The following CLIP4 variants were observed in gnomAD, a reference collection of about 807,000 sequenced individuals.
CLIP4 encodes the protein CAP-Gly domain containing linker protein family member 4, also known as CAP-Gly domain-containing linker protein 4.
CLIP4 carries 47 observed loss-of-function variants against 73.1 expected under a neutral mutation model. The observed-to-expected ratio is 0.64, with a 90% confidence interval of 0.51 to 0.82. The LOEUF (loss-of-function observed/expected upper bound fraction) is 0.82, where lower values mean the gene tolerates loss of function less well. Ranked by LOEUF, CLIP4 falls within the 40% of genes least tolerant of loss-of-function variation. The pLI is 0.00. For synonymous variants in CLIP4, 306 were observed against 295.4 expected, an observed-to-expected ratio of 1.04 and a Z score of -0.37; for missense variants, 874 against 852.9, an observed-to-expected ratio of 1.02 and a Z score of -0.31.
At chr2:29,103,611 G>T (rs998029562) in intron 1 of CLIP4, among the ~76,000 whole-genome samples, 1 of 151,876 alleles carries the variant, frequency 6.6e-6, no homozygotes, top group African/African-American at 2.4e-5. Context: ...TTTATTTAAG[G>T]TTCCAAAGCT....
chr2:29,107,303 T>C (rs909224379), intron 1 of CLIP4, among the ~76,000 whole-genome samples: 5 of 151,014 alleles, frequency 3.3e-5, no homozygotes, highest in Non-Finnish European at 7.4e-5. Context: ...TGTGTGTGTG[T>C]GTGCATGTGA....
intron 8 of CLIP4, among the ~76,000 whole-genome samples, 199 bp from the exon 9 acceptor site, chr2:29,152,486 G>T (rs566271957): frequency 5.3e-5 from 8 of 152,054 alleles, no homozygotes; most frequent in African/African-American, 1.9e-4. Flanking sequence ...CATTATTGAC[G>T]TGTTGTTAGT....
chr2:29,122,037 G>T (rs1368860389), intron 2 of CLIP4, among the ~76,000 whole-genome samples: 2 of 152,148 alleles, frequency 1.3e-5, no homozygotes, highest in East Asian at 1.9e-4. Flanking sequence ...GGAACCAGGA[G>T]ATAAATTTGA....
intron 15 of CLIP4, 126 bp downstream of exon 15, chr2:29,174,571 G>A (rs1258706327): frequency 4.7e-5 from 67 of 1,427,150 alleles, no homozygotes; most frequent in Non-Finnish European, 5.8e-5. Flanking sequence ...TAGGAGAAAA[G>A]GTGTGATAAG....
At chr2:29,121,751 TC>T (rs1262247221) in intron 2 of CLIP4, among the ~76,000 whole-genome samples, 6 of 152,226 alleles carry the variant, frequency 3.9e-5, no homozygotes, top group Non-Finnish European at 5.9e-5. Flanking sequence ...ATTTTAAGCA[TC>T]ATGATGGATT....
At chr2:29,179,113 C>T (rs917794150) in intron 15 of CLIP4, among the ~76,000 whole-genome samples, 1 of 152,170 alleles carries the variant, frequency 6.6e-6, no homozygotes, top group Admixed American at 6.5e-5. Flanking sequence ...TCAGTTTATG[C>T]ATTAAAGGTC....
intron 2 of CLIP4, among the ~76,000 whole-genome samples, chr2:29,128,187 GTTTT>G (rs70958244): frequency 7.2e-6 from 1 of 138,440 alleles, no homozygotes; most frequent in Admixed American, 7.3e-5. Context: ...TAATGTCTGT[GTTTT>G]TTTTTTTTTT....
intron 1 of CLIP4, among the ~76,000 whole-genome samples, chr2:29,117,279 G>C (rs1346457590): frequency 1.3e-5 from 2 of 152,138 alleles, no homozygotes; most frequent in Non-Finnish European, 2.9e-5. Flanking sequence ...GGCTAGAGCA[G>C]TGGAAGCACT....
chr2:29,133,130 G>A (rs1157675935), intron 4 of CLIP4, among the ~76,000 whole-genome samples: 1 of 152,166 alleles, frequency 6.6e-6, no homozygotes, highest in African/African-American at 2.4e-5. Context: ...GAGGGTTGGC[G>A]TGAGCTGTGA....
At chr2:29,174,738 G>C in intron 15 of CLIP4, 3 of 976,484 alleles carry the variant, frequency 3.1e-6, no homozygotes, top group Non-Finnish European at 3.7e-6. Flanking sequence ...ATTAAGTAGG[G>C]TGGATTGCTT....
chr2:29,179,925 G>A (rs1437167079), intron 15 of CLIP4, among the ~76,000 whole-genome samples: 1 of 152,122 alleles, frequency 6.6e-6, no homozygotes, highest in East Asian at 1.9e-4. Flanking sequence ...ATGTGGCTTA[G>A]AATAAATCTC....
chr2:29,166,530 GACAC>G (rs55833657), intron 13 of CLIP4, among the ~76,000 whole-genome samples: 5,155 of 146,960 alleles, frequency 0.035, 168 homozygotes, highest in African/African-American at 0.094. Flanking sequence ...TACACACACA[GACAC>G]ACACACACAC....
chr2:29,126,680 G>C (rs1260012964), intron 2 of CLIP4, among the ~76,000 whole-genome samples: 3 of 152,146 alleles, frequency 2.0e-5, no homozygotes, highest in Admixed American at 1.3e-4. Flanking sequence ...GACTTTCCTG[G>C]TTTGCAGTTT....
chr2:29,152,812 G>T lies in CLIP4; in HGVS notation c.1149G>T (p.Thr383=), dbSNP rs770581146. 1 of 1,613,228 alleles carries T rather than the reference G, an allele frequency of 6.2e-7. No homozygotes were observed. The highest frequency in any genetic ancestry group is 1.7e-5 in the Admixed American group (1 of 59,896). ...RSQKIDVAHV[T]SKVNTGLMTS... ...AGAAAATTGACGTAGCTCATGTGAC[G>T]TCAAAAGTAAATACTGGTAGGTCAA... Residue 383 remains threonine (T), a synonymous_variant, in exon 9 of 16, where the codon ACG becomes ACT. Transcript: ENST00000320081.
chr2:29,178,823 C>T (rs1051195972), intron 15 of CLIP4, among the ~76,000 whole-genome samples: 2 of 152,154 alleles, frequency 1.3e-5, no homozygotes, highest in Non-Finnish European at 2.9e-5. Context: ...TTGACAGAGT[C>T]TTGCTCTGTC....
chr2:29,178,639 CAT>C (rs1360043843), intron 15 of CLIP4, among the ~76,000 whole-genome samples: 1 of 152,124 alleles, frequency 6.6e-6, no homozygotes, highest in East Asian at 1.9e-4. Flanking sequence ...GATACGAAAA[CAT>C]TTTTATGGCA....
intron 8 of CLIP4, among the ~76,000 whole-genome samples, chr2:29,149,093 T>C (rs11897370): frequency 0.03 from 4,620 of 152,304 alleles, 198 homozygotes; most frequent in African/African-American, 0.096. Context: ...ATGCATTCTC[T>C]GTTGTACCTG....
intron 15 of CLIP4, among the ~76,000 whole-genome samples, chr2:29,177,506 G>T (rs1477699007): frequency 1.3e-5 from 2 of 151,984 alleles, no homozygotes; most frequent in Admixed American, 6.5e-5. Flanking sequence ...ACTTGAACCT[G>T]GGGGGCAGAG....
At chr2:29,180,079 T>G (rs527672713) in intron 15 of CLIP4, among the ~76,000 whole-genome samples, 15 of 152,168 alleles carry the variant, frequency 9.9e-5, no homozygotes, top group Non-Finnish European at 2.1e-4. Flanking sequence ...AGACCCAGAT[T>G]CTGTTCACAA....
Sources: gnomAD v4.1 joint callset for allele counts (sites outside exome capture counted in the v4.1 genomes callset) on GRCh38, gnomAD v4.1.1 for gene constraint, MANE v1.5 for transcripts, NCBI Gene and HGNC (gene_info 2026-07-23, HGNC 2026-07-21) for gene names.